The following CD300A variants were observed in gnomAD, a reference collection of about 807,000 sequenced individuals.
CD300A encodes the protein CD300a molecule.
In CD300A, 22 loss-of-function variants were observed where a neutral mutation model predicts 33.6. The ratio of observed to expected loss-of-function variants is 0.66; its 90% CI spans 0.47 to 0.94. CD300A has a LOEUF of 0.94. Ranked by LOEUF, CD300A falls within the 40% of genes least tolerant of loss-of-function variation. CD300A has a pLI of 0.00. For missense variants in CD300A, 326 were observed against 360.5 expected, an observed-to-expected ratio of 0.90 and a Z score of 0.77; for synonymous variants, 136 against 148.1, an observed-to-expected ratio of 0.92 and a Z score of 0.59.
intron 1 of CD300A, among the ~76,000 whole-genome samples, chr17:74,467,221 G>T (rs1195249491): frequency 6.8e-6 from 1 of 146,406 alleles, no homozygotes; most frequent in East Asian, 2.0e-4. Context: ...ACGGAGGAGG[G>T]GGTGGGGCGG....
chr17:74,481,658 T>C (rs532301422), intron 5 of CD300A, 68 bp from the exon 6 acceptor site: 3 of 1,137,686 alleles, frequency 2.6e-6, no homozygotes, highest in East Asian at 5.0e-5. Flanking sequence ...GGGAGACACA[T>C]GCAGAGACGC....
At chr17:74,476,028 G>A (rs946096663) in intron 3 of CD300A, among the ~76,000 whole-genome samples, 2 of 152,108 alleles carry the variant, frequency 1.3e-5, no homozygotes, top group African/African-American at 4.8e-5. Flanking sequence ...CCCTCCCTGC[G>A]GCACCTCAAT....
intron 4 of CD300A, among the ~76,000 whole-genome samples, chr17:74,478,617 T>C (rs1317212024): frequency 6.6e-6 from 1 of 152,232 alleles, no homozygotes; most frequent in Non-Finnish European, 1.5e-5. Flanking sequence ...AGTGTAAGCC[T>C]GAAGCTTCCT....
chr17:74,481,208 CT>C, intron 4 of CD300A, 80 bp from the exon 5 acceptor site: 1 of 1,411,604 alleles, frequency 7.1e-7, no homozygotes. Flanking sequence ...AGGGAAAGGC[CT>C]TTTCCCAGAA....
chr17:74,474,159 T>TG (rs1477721552), intron 2 of CD300A, among the ~76,000 whole-genome samples: 1 of 133,372 alleles, frequency 7.5e-6, no homozygotes, highest in Non-Finnish European at 1.6e-5. Context: ...TGCAGCTGAG[T>TG]GGGGGAGGGG....
intron 1 of CD300A, chr17:74,466,990 A>AG: frequency 7.1e-7 from 1 of 1,399,384 alleles, no homozygotes; most frequent in Non-Finnish European, 9.3e-7. Flanking sequence ...GCAAGTGATA[A>AG]GGGGTGGGTG....
At chr17:74,475,296 G>A (rs1177795578) in intron 3 of CD300A, among the ~76,000 whole-genome samples, 1 of 152,112 alleles carries the variant, frequency 6.6e-6, no homozygotes, top group Non-Finnish European at 1.5e-5. Flanking sequence ...CTCCCACTGG[G>A]TCCCTCCCAC....
At chr17:74,477,646 C>A (rs1906562341) in intron 4 of CD300A, 116 bp downstream of exon 4, 1 of 628,204 alleles carries the variant, frequency 1.6e-6, no homozygotes, top group East Asian at 2.9e-5. Context: ...ATGTGACACC[C>A]AGACCACACA....
chr17:74,469,016 A>T (rs1905913188), intron 1 of CD300A, among the ~76,000 whole-genome samples: 1 of 152,136 alleles, frequency 6.6e-6, no homozygotes, highest in South Asian at 2.1e-4. Flanking sequence ...ATCTGGTCAG[A>T]TGTTTGTCTT....
intron 1 of CD300A, among the ~76,000 whole-genome samples, chr17:74,469,330 C>A (rs765116944): frequency 1.3e-4 from 20 of 151,218 alleles, no homozygotes; most frequent in Non-Finnish European, 2.4e-4. Flanking sequence ...CGAGACTGGC[C>A]TGGGCAGTAT....
rs902230679 is a variant in CD300A, at chr17:74,474,817, C to T, written c.533+132C>T. On this transcript the variant is annotated intron_variant, in intron 3 of 6. Transcript: ENST00000360141. ...TTTGCCCCAGGCCCAGGTTGGAAGC[C>T]ATAGTCTGAACACCCCGGCTTGGAC... 8.9e-6 allele frequency: 9 copies of T among 1,011,610 alleles called. No homozygotes were observed. The African/African-American group carries it at 1.2e-4, about 13-fold the overall frequency. 62.7% of individuals were successfully genotyped at this position (1,011,610 alleles called of 1,614,324 possible).
In CD300A at chr17:74,484,167, A is replaced by G. The variant is rs1403178956; in HGVS notation, c.*41A>G. 8 of 1,607,732 alleles carry G rather than the reference A, an allele frequency of 5.0e-6. No homozygotes were observed. Among genetic ancestry groups the G allele is most frequent in the African/African-American group, 1.3e-5 (1 of 74,776 alleles). On this transcript the variant is annotated 3_prime_UTR_variant, in exon 7 of 7. Transcript: ENST00000360141. ...CGCCATCGGAGCTCTCATGGGCCCC[A>G]GGAAGTCCAGGGACAGCTCCCTTAT...
upstream of CD300A, chr17:74,466,525 G>C: frequency 1.5e-6 from 1 of 673,622 alleles, no homozygotes; most frequent in Non-Finnish European, 2.5e-6. Flanking sequence ...CTTAGTCGGG[G>C]CTCACCAGCT....
rs145543879 is a variant in CD300A, at chr17:74,478,832, G to A, written c.628+1302G>A. Among the ~76,000 whole-genome samples the A allele has an allele frequency of 7.8e-3, 1,181 of 152,314 alleles. 20 individuals carry two copies. The highest frequency in any genetic ancestry group is 0.068 in the South Asian group (327 of 4,816). On this transcript the variant is annotated intron_variant, in intron 4 of 6. Transcript: ENST00000360141. ...CTCCTGTGGCGCCCAGGCTTTTGGC[G>A]GAGAAATCAGCCTCAGTAGATCTGT...
In CD300A at chr17:74,484,462, G is replaced by A. The variant is rs1368019955; in HGVS notation, c.*336G>A. The A allele has an allele frequency of 1.0e-5, 2 of 193,772 alleles. No individual in the cohort carries two copies. The highest frequency in any genetic ancestry group is 2.7e-4 in the East Asian group (2 of 7,454). 12.0% of individuals were successfully genotyped at this position (193,772 alleles called of 1,614,324 possible). A position where few individuals can be genotyped will look rare whatever the true frequency, so the allele number is the denominator to read the frequency against. ...CCAGGAAAAGATGTGGCTCACGTAGGTGGCACCTGCCAATAGCTTTGTCAA... is the reference window on the plus strand; with the variant it reads ...CCAGGAAAAGATGTGGCTCACGTAGATGGCACCTGCCAATAGCTTTGTCAA... On this transcript the variant is annotated 3_prime_UTR_variant, in exon 7 of 7. Transcript: ENST00000360141.
intron 5 of CD300A, 103 bp from the exon 6 acceptor site, chr17:74,481,623 T>C: frequency 2.5e-6 from 2 of 815,344 alleles, no homozygotes; most frequent in East Asian, 5.3e-5. Flanking sequence ...AGGTGGGGGC[T>C]GAGGTGCTCA....
At position 74,474,620 on chromosome 17, in the gene CD300A, G is replaced by A. The variant is rs1329848460; in HGVS notation, c.468G>A (p.Leu156=). The A allele has an allele frequency of 6.2e-7, 1 of 1,614,122 alleles. No individual in the cohort carries two copies. Residue 156 remains leucine (L), a synonymous_variant, in exon 3 of 7, where the codon CTG becomes CTA. Transcript: ENST00000360141. ...TTCCACCTGTATCATCCACTACCCT[G>A]TTTGCAGTGGGTGCCACCCACAGTG... ...TAFPPVSSTT[L]FAVGATHSAS...
chr17:74,468,540 C>T (rs748675424), intron 1 of CD300A, among the ~76,000 whole-genome samples: 3 of 152,016 alleles, frequency 2.0e-5, no homozygotes, highest in African/African-American at 7.3e-5. Context: ...ACCATGTTGC[C>T]CAGGCTGGCC....
At chr17:74,477,737 A>G (rs1906570287) in intron 4 of CD300A, among the ~76,000 whole-genome samples, 1 of 152,092 alleles carries the variant, frequency 6.6e-6, no homozygotes, top group African/African-American at 2.4e-5. Flanking sequence ...GTGGCTCCCA[A>G]GCAGGAGGCT....
Sources: allele counts gnomAD v4.1 joint callset (sites outside exome capture counted in the v4.1 genomes callset), GRCh38; gene constraint gnomAD v4.1.1; transcripts MANE v1.5; gene names NCBI Gene and HGNC (gene_info 2026-07-23, HGNC 2026-07-21).